MPP7: variants seen among roughly 807,000 people sequenced by gnomAD.
MPP7 encodes MAGUK p55 scaffold protein 7.
A neutral mutation model predicts 76.5 loss-of-function variants in MPP7; 60 were observed. The observed-to-expected ratio is 0.78, with a 90% CI of 0.64 to 0.97. The LOEUF (loss-of-function observed/expected upper bound fraction) is 0.97, where lower values mean the gene tolerates loss of function less well. MPP7 is among the 50% of genes least tolerant of loss of function. MPP7 has a pLI of 0.00. For missense variants in MPP7, 641 were observed against 694.0 expected, an observed-to-expected ratio of 0.92 and a Z score of 0.86; for synonymous variants, 237 against 244.5, an observed-to-expected ratio of 0.97 and a Z score of 0.29.
chr10:28,301,792 C>G (rs1051380264), intron 1 of MPP7, among the ~76,000 whole-genome samples: 1 of 152,006 alleles, frequency 6.6e-6, no homozygotes, highest in Non-Finnish European at 1.5e-5. Context: ...TTTATAGAAC[C>G]AGAGTGAACC....
At chr10:28,233,962 A>G (rs563744715) in intron 2 of MPP7, among the ~76,000 whole-genome samples, 1 of 152,018 alleles carries the variant, frequency 6.6e-6, no homozygotes, top group Non-Finnish European at 1.5e-5. Context: ...GAGAAGAGAG[A>G]GGAAGGAGGA....
intron 14 of MPP7, 76 bp from the exon 15 acceptor site, chr10:28,058,679 A>G (rs1851657747): frequency 1.3e-6 from 1 of 747,930 alleles, no homozygotes; most frequent in East Asian, 2.7e-5. Flanking sequence ...ATTCATAGGT[A>G]AAAGACGTTT....
At chr10:28,193,307 G>A (rs1837471675) in intron 3 of MPP7, among the ~76,000 whole-genome samples, 2 of 151,798 alleles carry the variant, frequency 1.3e-5, no homozygotes, top group African/African-American at 4.8e-5. Flanking sequence ...CTGCCTCTCG[G>A]GTTCAGACCA....
At chr10:28,128,122 G>T (rs1488161003) in intron 6 of MPP7, among the ~76,000 whole-genome samples, 2 of 152,108 alleles carry the variant, frequency 1.3e-5, no homozygotes, top group African/African-American at 2.4e-5. Context: ...AATGAAAGAG[G>T]GAACATGCAA....
intron 5 of MPP7, among the ~76,000 whole-genome samples, chr10:28,147,242 T>C (rs1399217096): frequency 6.6e-6 from 1 of 152,210 alleles, no homozygotes; most frequent in Non-Finnish European, 1.5e-5. Flanking sequence ...AAAAATGACC[T>C]TGAAGCTACA....
intron 1 of MPP7, among the ~76,000 whole-genome samples, chr10:28,259,395 A>G (rs1472990392): frequency 2.0e-5 from 3 of 152,078 alleles, no homozygotes; most frequent in South Asian, 4.1e-4. Flanking sequence ...CCTGGGCAAC[A>G]TGGTGAAACC....
chr10:28,224,998 A>G (rs929759120), intron 2 of MPP7, among the ~76,000 whole-genome samples: 1 of 152,176 alleles, frequency 6.6e-6, no homozygotes, highest in African/African-American at 2.4e-5. Flanking sequence ...GTAACTTTTA[A>G]ATAAAGAATA....
chr10:28,202,064 A>G, intron 3 of MPP7, 89 bp downstream of exon 3: 1 of 903,668 alleles, frequency 1.1e-6, no homozygotes, highest in Non-Finnish European at 1.8e-6. Context: ...TTCAGAGAGC[A>G]ACAATTTGAT....
intron 1 of MPP7, among the ~76,000 whole-genome samples, chr10:28,297,430 G>A (rs1841060094): frequency 6.6e-6 from 1 of 152,140 alleles, no homozygotes; most frequent in African/African-American, 2.4e-5. Flanking sequence ...CGGGCGCTGT[G>A]GCTCACGCCT....
chr10:28,082,720 C>T (rs1376089032), intron 12 of MPP7, among the ~76,000 whole-genome samples: 1 of 152,176 alleles, frequency 6.6e-6, no homozygotes, highest in African/African-American at 2.4e-5. Flanking sequence ...CTCCCTGCCT[C>T]AGCCTCCCTC....
intron 2 of MPP7, among the ~76,000 whole-genome samples, chr10:28,313,306 G>C (rs1456678354): frequency 6.6e-6 from 1 of 152,130 alleles, no homozygotes; most frequent in Admixed American, 6.6e-5. Flanking sequence ...AGGAGTTGGA[G>C]ACCAGCCTGA....
chr10:28,147,447 T>C, intron 5 of MPP7, 36 bp downstream of exon 5: 1 of 1,545,360 alleles, frequency 6.5e-7, no homozygotes, highest in Non-Finnish European at 9.0e-7. Flanking sequence ...GTGGCCCTGT[T>C]TGAAGGTATT....
intron 3 of MPP7, among the ~76,000 whole-genome samples, chr10:28,169,334 A>C (rs1243874411): frequency 2.0e-5 from 3 of 152,056 alleles, no homozygotes; most frequent in African/African-American, 7.3e-5. Flanking sequence ...CTTAAAAAAA[A>C]AAATTAATTA....
At chr10:28,217,016 T>G (rs988792313) in intron 2 of MPP7, among the ~76,000 whole-genome samples, 1 of 152,090 alleles carries the variant, frequency 6.6e-6, no homozygotes, top group African/African-American at 2.4e-5. Flanking sequence ...TCCCAGCAAT[T>G]TTTCTAAAAT....
intron 2 of MPP7, among the ~76,000 whole-genome samples, chr10:28,320,480 C>A (rs1834358570): frequency 6.6e-6 from 1 of 151,604 alleles, no homozygotes; most frequent in African/African-American, 2.4e-5. Flanking sequence ...GAGACTATTT[C>A]CAAGTCAAAT....
intron 12 of MPP7, among the ~76,000 whole-genome samples, chr10:28,072,134 C>T (rs949865800): frequency 7.9e-5 from 12 of 152,066 alleles, no homozygotes; most frequent in African/African-American, 2.4e-4. Flanking sequence ...ATTAGCCAGG[C>T]ATGGTGGCAG....
At chr10:28,329,879 G>C (rs995259962) in intron 2 of MPP7, 1 of 152,074 alleles carries the variant, frequency 6.6e-6, no homozygotes, top group Non-Finnish European at 1.5e-5. Flanking sequence ...AAATATAAAG[G>C]CTTGGGGTCT....
chr10:28,233,429 C>A (rs770199176), intron 2 of MPP7, among the ~76,000 whole-genome samples: 1 of 152,032 alleles, frequency 6.6e-6, no homozygotes, highest in African/African-American at 2.4e-5. Context: ...ACACTCCGGC[C>A]GGGCGCGGTG....
At chr10:28,169,459 T>C (rs1836603874) in intron 3 of MPP7, among the ~76,000 whole-genome samples, 1 of 152,118 alleles carries the variant, frequency 6.6e-6, no homozygotes, top group Non-Finnish European at 1.5e-5. Context: ...AAGGCTGCAC[T>C]GAGCTATGAT....
Sources: gnomAD v4.1 joint callset for allele counts (sites outside exome capture counted in the v4.1 genomes callset) on GRCh38, gnomAD v4.1.1 for gene constraint, MANE v1.5 for transcripts, NCBI Gene and HGNC (gene_info 2026-07-23, HGNC 2026-07-21) for gene names.